The following RIF1 variants were observed in gnomAD, a reference collection of about 807,000 sequenced individuals.
The protein encoded by RIF1 is telomere-associated protein RIF1.
RIF1 carries 45 observed loss-of-function variants against 247.1 expected under a neutral mutation model. That is an observed-to-expected ratio of 0.18 (90% CI 0.14 to 0.23). The LOEUF (loss-of-function observed/expected upper bound fraction) is 0.23. Ranked by LOEUF, RIF1 falls within the 10% of genes least tolerant of loss-of-function variation. The pLI is 1.00. For synonymous variants in RIF1, 1,087 were observed against 978.8 expected (o/e 1.11, Z -2.06); for missense variants, 2,967 against 2,862.5 (o/e 1.04, Z -0.83).
At chr2:151,501,568 G>GTA (rs1193157874) in intron 11 of RIF1, 1 of 657,442 alleles carries the variant, frequency 1.5e-6, no homozygotes, top group East Asian at 3.1e-5. Context: ...CCTAAAAGAA[G>GTA]TATTTTTATT....
chr2:151,475,073 A>AT lies in RIF1; in HGVS notation c.*6dup. 6.3e-7 allele frequency: 1 copy of AT among 1,594,130 alleles called. No individual in the cohort carries two copies. The highest frequency in any genetic ancestry group is 8.6e-7 in the Non-Finnish European group (1 of 1,162,900). ...CCATCCCATGAAAATTCTATTTAGT[A>AT]TTTTCAGAGAAAATTGAAGGTTTTT... On this transcript the variant is annotated 3_prime_UTR_variant, in exon 36 of 36. Transcript: ENST00000444746.
Position 151,490,494 on chromosome 2 carries a change from T to C in RIF1, c.*416-4735T>C, listed in dbSNP as rs1036568297. The C allele has an allele frequency of 1.9e-6, 3 of 1,609,432 alleles. No individual in the cohort carries two copies. The highest frequency in any genetic ancestry group is 2.5e-6 in the Non-Finnish European group (3 of 1,177,962). On this transcript the variant is annotated intron_variant and NMD_transcript_variant, in intron 9 of 13. Coordinates refer to the RIF1 transcript ENST00000454583. ...TAGTGCACTGGCAGATCGTGACTGCTCCCGGCTCCGGCGCTGAGCTTGGAC... is the reference window on the plus strand; with the variant it reads ...TAGTGCACTGGCAGATCGTGACTGCCCCCGGCTCCGGCGCTGAGCTTGGAC...
intron 9 of RIF1, chr2:151,490,214 A>G (rs902218572): frequency 2.6e-6 from 3 of 1,163,084 alleles, no homozygotes; most frequent in South Asian, 1.6e-5. Flanking sequence ...AAAATGAAAC[A>G]TCTAACTTCA....
At chr2:151,462,521 G>T in intron 29 of RIF1, 55 bp downstream of exon 29, 1 of 1,167,856 alleles carries the variant, frequency 8.6e-7, no homozygotes, top group Admixed American at 2.2e-5. Context: ...CCATTATACA[G>T]TCTGTTAAAC....
chr2:151,451,785 C>T (rs1694357983), intron 21 of RIF1, 80 bp downstream of exon 21: 2 of 711,494 alleles, frequency 2.8e-6, no homozygotes, highest in Non-Finnish European at 5.0e-6. Context: ...GTCCTAATAC[C>T]TTTGCCACCT....
At chr2:151,442,748 TTAGAC>T (rs1347954217) in intron 16 of RIF1, among the ~76,000 whole-genome samples, 1 of 150,836 alleles carries the variant, frequency 6.6e-6, no homozygotes, top group African/African-American at 2.4e-5. Context: ...ACAGCTATGA[TTAGAC>T]TATAAAGAGC....
At chr2:151,435,794 CTGTTG>C (rs1289288122) in intron 11 of RIF1, among the ~76,000 whole-genome samples, 1 of 150,194 alleles carries the variant, frequency 6.7e-6, no homozygotes, top group Admixed American at 6.6e-5. Context: ...TTACTGATTA[CTGTTG>C]TAAGCGCATT....
chr2:151,416,737 G>C, intron 5 of RIF1, 49 bp downstream of exon 5: 4 of 1,600,876 alleles, frequency 2.5e-6, no homozygotes, highest in Non-Finnish European at 3.4e-6. Flanking sequence ...CCAATTAAAA[G>C]AAAAAACTAT....
chr2:151,444,413 G>A (rs1692884662), intron 18 of RIF1, among the ~76,000 whole-genome samples: 3 of 152,180 alleles, frequency 2.0e-5, no homozygotes, highest in South Asian at 2.1e-4. Flanking sequence ...AGGTTGAAGC[G>A]ATTCTCCTGT....
chr2:151,430,479 G>A (rs114690806), intron 9 of RIF1, among the ~76,000 whole-genome samples: 4,531 of 151,432 alleles, frequency 0.03, 121 homozygotes, highest in East Asian at 0.14. Context: ...CCGCTGCCAC[G>A]TCTGGCTAAT....
chr2:151,424,957 C>A (rs1266726075), intron 8 of RIF1, among the ~76,000 whole-genome samples: 2 of 149,136 alleles, frequency 1.3e-5, no homozygotes, highest in African/African-American at 4.9e-5. Context: ...GGATTACAGG[C>A]ATGAGCCACT....
In RIF1 at chr2:151,464,315, A is replaced by T; in HGVS notation, c.4795A>T (p.Asn1599Tyr). The T allele has an allele frequency of 6.2e-7, 1 of 1,611,696 alleles. No homozygotes were observed. Among genetic ancestry groups the T allele is most frequent in the Non-Finnish European group, 8.5e-7 (1 of 1,179,510 alleles). ...VVKQECIKAE[N>Y]QSHDYKATSE... is the part of the protein sequence containing the mutation. ...GAAACAGGAATGTATAAAAGCTGAA[A>T]ATCAGTCACATGATTATAAAGCAAC... The change falls in exon 30 of 36, where the codon AAT becomes TAT. Residue 1599 changes from asparagine to tyrosine, a missense_variant. Physicochemically the swap from Asn to Tyr is moderately radical, Grantham distance 143. Around this residue, in one of 7 missense-constraint regions of RIF1, gnomAD observed 2,028 missense variants for 1,825.6 expected, o/e 1.11. Transcript: ENST00000444746.
chr2:151,506,042 C>G, intron 12 of RIF1: 1 of 843,280 alleles, frequency 1.2e-6, no homozygotes, highest in East Asian at 2.4e-5. Flanking sequence ...TGGTGGTACA[C>G]AGGCACCTAT....
exon 11 of RIF1, chr2:151,499,450 T>C: frequency 2.3e-6 from 2 of 886,112 alleles, no homozygotes; most frequent in Non-Finnish European, 3.6e-6. Context: ...CCCTTTCATC[T>C]ACCTTGTGGG....
chr2:151,464,173 CTCAGAA>C lies in RIF1; in HGVS notation c.4656_4661del (p.Glu1553_Ser1554del). ...AGGGTTTGCTTTCCAGCATTGAAAACTCAGAATCTGATAGTTCGGAGGCAAAAGAAG... is the reference window on the plus strand; with the variant it reads ...AGGGTTTGCTTTCCAGCATTGAAAACTCTGATAGTTCGGAGGCAAAAGAAG... On this transcript the variant is annotated inframe_deletion, in exon 30 of 36. Coordinates refer to ENST00000444746, the MANE Select transcript of RIF1 (RefSeq NM_018151.5). 1 of 1,610,196 alleles carries C rather than the reference CTCAGAA, an allele frequency of 6.2e-7. No individual in the cohort carries two copies. The highest frequency in any genetic ancestry group is 8.5e-7 in the Non-Finnish European group (1 of 1,179,108).
At chr2:151,485,668 C>A, downstream of RIF1, 1 of 1,255,144 alleles carries the variant, frequency 8.0e-7, no homozygotes, top group Non-Finnish European at 1.1e-6. Flanking sequence ...CCATAGGCAG[C>A]TTGAGAACTT....
intron 26 of RIF1, 122 bp from the exon 27 acceptor site, chr2:151,461,016 G>A (rs1696071926): frequency 2.3e-6 from 2 of 854,958 alleles, no homozygotes; most frequent in South Asian, 3.4e-5. Context: ...CGGATCATGA[G>A]TATCATCAAC....
At chr2:151,486,891 G>A (rs955492186), downstream of RIF1, 98 of 151,510 alleles carry the variant, frequency 6.5e-4, no homozygotes, top group African/African-American at 2.3e-3. Flanking sequence ...ACCAGCATTT[G>A]TTTGTTTGTT....
intron 9 of RIF1, among the ~76,000 whole-genome samples, chr2:151,487,186 T>C (rs1300413092): frequency 1.3e-5 from 2 of 152,210 alleles, no homozygotes; most frequent in Non-Finnish European, 2.9e-5. Flanking sequence ...CGTAGCACTA[T>C]TGCATGTCAT....
Sources: allele counts gnomAD v4.1 joint callset (sites outside exome capture counted in the v4.1 genomes callset), GRCh38; gene constraint gnomAD v4.1.1; regional missense constraint gnomAD v4.1.1; transcripts MANE v1.5; gene names NCBI Gene and HGNC (gene_info 2026-07-23, HGNC 2026-07-21).